Variants in CNTLN observed in about 807,000 individuals in gnomAD.
The protein encoded by CNTLN is centlein, centrosomal protein.
In CNTLN, 212 loss-of-function variants were observed where a neutral mutation model predicts 180.0. The observed-to-expected ratio is 1.18, with a 90% CI of 1.05 to 1.32. The LOEUF (loss-of-function observed/expected upper bound fraction) is 1.32, where lower values mean the gene tolerates loss of function less well. CNTLN is among the 40% of genes most tolerant of loss of function. The pLI is 0.00. For missense variants in CNTLN, 2,095 were observed against 1,610.9 expected (o/e 1.30, Z -5.14); for synonymous variants, 722 against 563.1 (o/e 1.28, Z -3.99).
intron 7 of CNTLN, chr9:17,301,752 A>C (rs1210495016): frequency 2.1e-6 from 2 of 959,950 alleles, no homozygotes; most frequent in Admixed American, 1.2e-4. Context: ...TACAGTTAGT[A>C]GACATTACAA....
chr9:17,406,280 A>C (rs1355894339), intron 15 of CNTLN, among the ~76,000 whole-genome samples: 1 of 151,480 alleles, frequency 6.6e-6, no homozygotes, highest in Non-Finnish European at 1.5e-5. Context: ...GTTTGTCATC[A>C]CTCTTATATC....
intron 18 of CNTLN, among the ~76,000 whole-genome samples, chr9:17,429,650 A>C (rs76897886): frequency 0.036 from 5,401 of 152,012 alleles, 146 homozygotes; most frequent in Non-Finnish European, 0.059. Flanking sequence ...TTTATGCAGG[A>C]AAAAAAGAGA....
chr9:17,247,154 A>G (rs1825844617), intron 5 of CNTLN, among the ~76,000 whole-genome samples: 1 of 152,054 alleles, frequency 6.6e-6, no homozygotes, highest in Non-Finnish European at 1.5e-5. Context: ...ATTAGGTCAC[A>G]TGCACCTCAC....
At chr9:17,276,064 C>T (rs1828289056) in intron 6 of CNTLN, among the ~76,000 whole-genome samples, 1 of 152,016 alleles carries the variant, frequency 6.6e-6, no homozygotes, top group South Asian at 2.1e-4. Context: ...AGGATCCATA[C>T]CCCAAATGTC....
At chr9:17,262,000 A>G (rs1031498393) in intron 5 of CNTLN, among the ~76,000 whole-genome samples, 3 of 151,744 alleles carry the variant, frequency 2.0e-5, no homozygotes, top group Non-Finnish European at 2.9e-5. Context: ...GTCATTAGAG[A>G]AATGCATATC....
chr9:17,201,963 T>A (rs1822563434), intron 2 of CNTLN, among the ~76,000 whole-genome samples: 1 of 152,202 alleles, frequency 6.6e-6, no homozygotes, highest in Non-Finnish European at 1.5e-5. Context: ...CTTTCTGATG[T>A]GGGCATTTAG....
At chr9:17,434,780 G>A (rs1038820370) in intron 18 of CNTLN, among the ~76,000 whole-genome samples, 5 of 151,780 alleles carry the variant, frequency 3.3e-5, no homozygotes, top group Non-Finnish European at 7.4e-5. Flanking sequence ...GGTTGTCTGT[G>A]AAGTCTCTCT....
chr9:17,163,824 T>A (rs1819854325), intron 2 of CNTLN, among the ~76,000 whole-genome samples: 1 of 152,054 alleles, frequency 6.6e-6, no homozygotes, highest in South Asian at 2.1e-4. Context: ...GCTCAGGAGT[T>A]CAAGACCAGC....
At chr9:17,441,298 A>G (rs144768088) in intron 18 of CNTLN, among the ~76,000 whole-genome samples, 7 of 152,206 alleles carry the variant, frequency 4.6e-5, no homozygotes, top group African/African-American at 1.7e-4. Flanking sequence ...GTAAAGGTAA[A>G]CAGTGGTGTG....
At chr9:17,194,509 T>C (rs1478354920) in intron 2 of CNTLN, among the ~76,000 whole-genome samples, 2 of 152,198 alleles carry the variant, frequency 1.3e-5, no homozygotes, top group African/African-American at 4.8e-5. Context: ...GGGTCACCTT[T>C]GTTCTAGTTC....
chr9:17,326,875 C>G (rs1223405954), intron 8 of CNTLN, among the ~76,000 whole-genome samples: 1 of 151,948 alleles, frequency 6.6e-6, no homozygotes. Flanking sequence ...AGAAAACAGC[C>G]AAAAGGAGCT....
intron 8 of CNTLN, among the ~76,000 whole-genome samples, chr9:17,321,756 G>T (rs1819929187): frequency 6.6e-6 from 1 of 152,072 alleles, no homozygotes; most frequent in Non-Finnish European, 1.5e-5. Context: ...TCATACTTTA[G>T]TTGCAAAATA....
At chr9:17,388,330 G>C in intron 14 of CNTLN, 77 bp downstream of exon 14, 2 of 973,106 alleles carry the variant, frequency 2.1e-6, no homozygotes, top group Non-Finnish European at 3.1e-6. Context: ...TTTAAAACGA[G>C]GGCTTGTAAA....
At chr9:17,143,186 T>G (rs1357515152) in intron 1 of CNTLN, 102 bp from the exon 2 acceptor site, 3 of 761,916 alleles carry the variant, frequency 3.9e-6, no homozygotes, top group East Asian at 2.6e-5. Flanking sequence ...GTTATACAAC[T>G]AGGGATCAAG....
chr9:17,226,008 C>G (rs1007992597), intron 2 of CNTLN, among the ~76,000 whole-genome samples, 195 bp from the exon 3 acceptor site: 3 of 151,944 alleles, frequency 2.0e-5, no homozygotes, highest in African/African-American at 7.2e-5. Context: ...ATACCTAAAT[C>G]TAGAAATGAA....
rs12379538 is a variant in CNTLN, at chr9:17,343,842, C to T, written c.1886+1398C>T. ...ACTTTGTTGTCACTCCCCAGCCCTC[C>T]CATCCATCCTGCCCAGCCCTAGGAA... On this transcript the variant is annotated intron_variant, in intron 12 of 25. Coordinates refer to ENST00000380647, the MANE Select transcript of CNTLN (RefSeq NM_017738.4). 2.1e-3 allele frequency among the ~76,000 whole-genome samples: 316 copies of T among 152,060 alleles called. 1 individual carries two copies. Among genetic ancestry groups the T allele is most frequent in the African/African-American group, 7.2e-3 (300 of 41,484 alleles).
At chr9:17,420,916 G>A (rs1218126194) in intron 18 of CNTLN, among the ~76,000 whole-genome samples, 22 of 152,074 alleles carry the variant, frequency 1.4e-4, no homozygotes, top group Admixed American at 1.4e-3. Flanking sequence ...ATTGTGATCA[G>A]AGAAAATGCT....
intron 2 of CNTLN, among the ~76,000 whole-genome samples, chr9:17,155,110 G>A (rs1819177622): frequency 6.6e-6 from 1 of 152,200 alleles, no homozygotes; most frequent in Non-Finnish European, 1.5e-5. Context: ...AAGTCAGCAA[G>A]ACCACGAACC....
At chr9:17,468,629 A>G (rs1253242862) in intron 23 of CNTLN, among the ~76,000 whole-genome samples, 3 of 151,660 alleles carry the variant, frequency 2.0e-5, no homozygotes, top group South Asian at 2.1e-4. Context: ...AGAAGGATGA[A>G]TGAGAATCAG....
Sources: gnomAD v4.1 joint callset for allele counts (sites outside exome capture counted in the v4.1 genomes callset) on GRCh38, gnomAD v4.1.1 for gene constraint, MANE v1.5 for transcripts, NCBI Gene and HGNC (gene_info 2026-07-23, HGNC 2026-07-21) for gene names.